Variants in ITSN1 observed in about 807,000 individuals in gnomAD.
ITSN1 encodes the protein intersectin 1.
ITSN1 carries 58 observed loss-of-function variants against 239.8 expected under a neutral mutation model. The observed-to-expected ratio is 0.24, with a 90% CI of 0.20 to 0.30. The LOEUF is 0.30. ITSN1 is among the 10% of genes least tolerant of loss of function. The pLI is 1.00. For missense variants in ITSN1, 1,558 were observed against 2,103.3 expected (o/e 0.74, Z 5.07); for synonymous variants, 780 against 770.8 (o/e 1.01, Z -0.20).
chr21:33,852,980 ATT>A (rs1309883741), intron 29 of ITSN1, among the ~76,000 whole-genome samples: 11 of 152,222 alleles, frequency 7.2e-5, no homozygotes, highest in Non-Finnish European at 1.3e-4. Context: ...TTTTCTAAAT[ATT>A]AAATTTTCAA....
Position 33,882,503 on chromosome 21 carries a change from G to T in ITSN1, c.4554+48G>T. ...CATTATCAGGGTTGACGTGTTTGGG[G>T]AGGAAGAAGTTTCCAAAAAGGAGGT... On this transcript the variant is annotated intron_variant, in intron 35 of 39. Coordinates refer to ENST00000381318, the MANE Select transcript of ITSN1 (RefSeq NM_003024.3). The surrounding 1 kb of genome is among the most constrained non-coding windows in gnomAD (Gnocchi z 4.5). 1 of 1,539,310 alleles carries T rather than the reference G, an allele frequency of 6.5e-7. No individual in the cohort carries two copies. Among genetic ancestry groups the T allele is most frequent in the Non-Finnish European group, 8.9e-7 (1 of 1,120,684 alleles).
At chr21:33,817,650 A>G in intron 22 of ITSN1, 1 of 1,220,614 alleles carries the variant, frequency 8.2e-7, no homozygotes, top group Non-Finnish European at 1.0e-6. Flanking sequence ...TCCCTAAATT[A>G]TCTGGGGGAG....
intron 1 of ITSN1, among the ~76,000 whole-genome samples, chr21:33,660,348 G>C (rs1026033703): frequency 2.6e-5 from 4 of 152,094 alleles, no homozygotes; most frequent in Non-Finnish European, 5.9e-5. Flanking sequence ...AGGTCCCCAA[G>C]GAACTTTTCT....
chr21:33,851,847 G>A (rs147162299), intron 29 of ITSN1, among the ~76,000 whole-genome samples: 1,586 of 127,394 alleles, frequency 0.012, 28 homozygotes, highest in African/African-American at 0.045. Flanking sequence ...GCAGTGGTGC[G>A]ATCATAGCTC....
At chr21:33,827,138 G>C (rs752662383) in intron 26 of ITSN1, among the ~76,000 whole-genome samples, 1 of 152,194 alleles carries the variant, frequency 6.6e-6, no homozygotes, top group Non-Finnish European at 1.5e-5. Flanking sequence ...GGTGGCTCAT[G>C]CCTGTAATCC....
chr21:33,671,330 C>T (rs879480270), intron 1 of ITSN1, among the ~76,000 whole-genome samples: 1 of 151,904 alleles, frequency 6.6e-6, no homozygotes, highest in Non-Finnish European at 1.5e-5. Context: ...ATCTTGTCAC[C>T]CAGGCTGGAT....
In ITSN1 at chr21:33,794,402, G is replaced by T. The variant is rs199679586; in HGVS notation, c.1886G>T (p.Arg629Leu). 3 of 1,613,784 alleles carry T rather than the reference G, an allele frequency of 1.9e-6. No individual in the cohort carries two copies. The highest frequency in any genetic ancestry group is 2.2e-5 in the South Asian group (2 of 90,980). Reference sequence around the variant, plus strand: ...AAGCAAAAGTCCATGGAGGCTGAACGACTGAAACAGAAAGAACAAGAACGA... The same window carrying T: ...AAGCAAAAGTCCATGGAGGCTGAACTACTGAAACAGAAAGAACAAGAACGA... Reference protein sequence around the residue: ...LQKQKSMEAERLKQKEQERKI... With the variant: ...LQKQKSMEAELLKQKEQERKI... Residue 629 changes from arginine (R) to leucine (L), a missense_variant, in exon 17 of 40, where the codon CGA (arginine) becomes CTA (leucine). Transcript: ENST00000381318.
chr21:33,885,153 A>C lies in ITSN1; in HGVS notation c.4759+30A>C, dbSNP rs1461330577. On this transcript the variant is annotated intron_variant, in intron 37 of 39. Coordinates refer to ENST00000381318, the MANE Select transcript of ITSN1 (RefSeq NM_003024.3). ...TGCATGGCCCCGCGGGGTGTCCTGC[A>C]CAGCTGGGCAGGAGGGAGGGCCATT... 5 of 1,565,348 alleles carry C rather than the reference A, an allele frequency of 3.2e-6. No homozygotes were observed. The Admixed American group carries it at 6.7e-5, about 21-fold the overall frequency.
In ITSN1 at chr21:33,742,047, A is replaced by G. The variant is rs542073927; in HGVS notation, c.346+6843A>G. Among the ~76,000 whole-genome samples, 5 of 151,260 alleles carry G rather than the reference A, an allele frequency of 3.3e-5. No homozygotes were observed. In the East Asian group the frequency reaches 5.8e-4, roughly 18 times the overall value. ...GATGACCACTGTGTTCAACAACACT[A>G]TTTTTAAAATCTTTTTTTTTTTTTT... On this transcript the variant is annotated intron_variant, in intron 5 of 39. Coordinates refer to ENST00000381318, the MANE Select transcript of ITSN1 (RefSeq NM_003024.3).
chr21:33,743,614 A>G (rs766436963), intron 5 of ITSN1, among the ~76,000 whole-genome samples: 15 of 152,264 alleles, frequency 9.9e-5, no homozygotes, highest in Non-Finnish European at 7.3e-5. Context: ...GATAAAAATG[A>G]ATTCAAGACA....
intron 16 of ITSN1, among the ~76,000 whole-genome samples, chr21:33,785,426 C>T (rs1001905902): frequency 3.3e-5 from 5 of 151,936 alleles, no homozygotes; most frequent in East Asian, 1.9e-4. Context: ...GTATAGGAAG[C>T]GTATTTAGTC....
intron 4 of ITSN1, among the ~76,000 whole-genome samples, chr21:33,723,728 C>G (rs2147120673): frequency 6.6e-6 from 1 of 152,226 alleles, no homozygotes; most frequent in South Asian, 2.1e-4. Flanking sequence ...CTCAAGTTTT[C>G]TAATCTAGAA....
intron 29 of ITSN1, among the ~76,000 whole-genome samples, chr21:33,849,070 G>A (rs560976188): frequency 1.2e-3 from 176 of 152,110 alleles, no homozygotes; most frequent in Non-Finnish European, 1.9e-3. Context: ...GTGAAACCCC[G>A]TCTCTACTAA....
At chr21:33,863,828 C>T (rs1379709835) in intron 31 of ITSN1, among the ~76,000 whole-genome samples, 9 of 152,184 alleles carry the variant, frequency 5.9e-5, no homozygotes, top group African/African-American at 2.2e-4. Flanking sequence ...CATTTTTGCT[C>T]GTTGTGGTAT....
intron 17 of ITSN1, among the ~76,000 whole-genome samples, chr21:33,796,081 A>T (rs966099866): frequency 6.6e-6 from 1 of 151,340 alleles, no homozygotes; most frequent in African/African-American, 2.4e-5. Flanking sequence ...CTCCTGCCTC[A>T]GCTTCCCAAG....
At chr21:33,679,722 G>A (rs1176228036) in intron 1 of ITSN1, among the ~76,000 whole-genome samples, 1 of 6,104 alleles carries the variant, frequency 1.6e-4, no homozygotes, top group Non-Finnish European at 4.2e-4. Flanking sequence ...TTTTTTTTTT[G>A]AGACGGAGTC....
At chr21:33,711,679 TG>T (rs2092422886) in intron 1 of ITSN1, among the ~76,000 whole-genome samples, 1 of 151,582 alleles carries the variant, frequency 6.6e-6, no homozygotes, top group Admixed American at 6.6e-5. Flanking sequence ...TGTGTGTGTG[TG>T]TGTGTGTGTG....
intron 1 of ITSN1, among the ~76,000 whole-genome samples, chr21:33,654,219 ATTTTTTT>A (rs912312736): frequency 7.5e-6 from 1 of 133,344 alleles, no homozygotes. Flanking sequence ...CACCTGGCTA[ATTTTTTT>A]TTTTTTTTTT....
intron 11 of ITSN1, among the ~76,000 whole-genome samples, chr21:33,771,788 T>C (rs1206176248): frequency 6.6e-6 from 1 of 151,954 alleles, no homozygotes; most frequent in Non-Finnish European, 1.5e-5. Flanking sequence ...AGGGAAAGGA[T>C]GGAGTAACAG....
Sources: gnomAD v4.1 joint callset for allele counts (sites outside exome capture counted in the v4.1 genomes callset) on GRCh38, gnomAD v4.1.1 for gene constraint, Gnocchi (gnomAD v3.1) non-coding constraint, MANE v1.5 for transcripts, NCBI Gene and HGNC (gene_info 2026-07-23, HGNC 2026-07-21) for gene names.